TRPM3: variants seen among roughly 807,000 people sequenced by gnomAD.
The protein encoded by TRPM3 is transient receptor potential cation channel subfamily M member 3.
TRPM3 carries 77 observed loss-of-function variants against 181.2 expected under a neutral mutation model. The ratio of observed to expected loss-of-function variants is 0.42; its 90% CI spans 0.35 to 0.51. The LOEUF (loss-of-function observed/expected upper bound fraction) is 0.51. TRPM3 is among the 20% of genes least tolerant of loss of function. TRPM3 has a pLI of 0.01. For synonymous variants in TRPM3, 745 were observed against 796.4 expected (o/e 0.94, Z 1.09); for missense variants, 1,759 against 2,196.7 (o/e 0.80, Z 3.98).
At chr9:70,654,801 G>A (rs2060063255) in intron 9 of TRPM3, among the ~76,000 whole-genome samples, 1 of 151,076 alleles carries the variant, frequency 6.6e-6, no homozygotes, top group African/African-American at 2.4e-5. Context: ...TCCTGCCTCA[G>A]CCTCCTGAGT....
intron 1 of TRPM3, among the ~76,000 whole-genome samples, chr9:71,401,832 C>A (rs761303244): frequency 1.3e-5 from 2 of 152,192 alleles, no homozygotes; most frequent in Non-Finnish European, 2.9e-5. Flanking sequence ...TAAAGCTATG[C>A]TCAGATTTGA....
At chr9:71,085,297 T>C (rs1192617683) in intron 1 of TRPM3, among the ~76,000 whole-genome samples, 2 of 151,788 alleles carry the variant, frequency 1.3e-5, no homozygotes, top group East Asian at 1.9e-4. Flanking sequence ...AACTAAACTA[T>C]AGAGCTTTTG....
chr9:70,659,938 A>G (rs1441177276), intron 9 of TRPM3, among the ~76,000 whole-genome samples: 5 of 152,168 alleles, frequency 3.3e-5, no homozygotes, highest in African/African-American at 1.2e-4. Context: ...TGTGGCCTAT[A>G]TTGATTTTCC....
intron 1 of TRPM3, among the ~76,000 whole-genome samples, chr9:70,987,325 A>G (rs933189439): frequency 6.6e-6 from 1 of 152,098 alleles, no homozygotes; most frequent in Non-Finnish European, 1.5e-5. Context: ...CCCTTTATTC[A>G]ATTTTCAAAA....
intron 1 of TRPM3, among the ~76,000 whole-genome samples, chr9:70,944,232 T>C (rs1018922221): frequency 2.6e-5 from 4 of 152,066 alleles, no homozygotes; most frequent in African/African-American, 9.7e-5. Context: ...GAATAGAAAA[T>C]GAGCATCAGC....
intron 1 of TRPM3, among the ~76,000 whole-genome samples, chr9:71,191,784 G>T (rs530384181): frequency 1.4e-5 from 1 of 70,684 alleles, no homozygotes; most frequent in South Asian, 8.8e-4. Flanking sequence ...AGAAACAACA[G>T]AACATATAAA....
chr9:71,255,647 G>A (rs1565390311), intron 1 of TRPM3, among the ~76,000 whole-genome samples: 2 of 152,156 alleles, frequency 1.3e-5, no homozygotes. Context: ...TTGAGTCTTT[G>A]TTGAACTGTG....
At chr9:71,264,392 A>G (rs1208522787) in intron 1 of TRPM3, among the ~76,000 whole-genome samples, 4 of 152,148 alleles carry the variant, frequency 2.6e-5, no homozygotes, top group Non-Finnish European at 5.9e-5. Flanking sequence ...ACACTAAAAT[A>G]TACAAAATTT....
In TRPM3 at chr9:70,991,830, T is replaced by C. The variant is rs987146157; in HGVS notation, c.178-127319A>G. On this transcript the variant is annotated intron_variant, in intron 1 of 25. Transcript: ENST00000677713. ...GGTGTGTTCATCCTTGTACTCTACATTCCATCTGCTTCAAACTGTTTCAAG... is the reference window on the plus strand; with the variant it reads ...GGTGTGTTCATCCTTGTACTCTACACTCCATCTGCTTCAAACTGTTTCAAG... Among the ~76,000 whole-genome samples, 13 of 152,302 alleles carry C rather than the reference T, an allele frequency of 8.5e-5. 1 individual carries two copies. Among genetic ancestry groups the C allele is most frequent in the African/African-American group, 3.1e-4 (13 of 41,564 alleles).
In TRPM3 at chr9:70,535,403, G is replaced by T. The variant is rs1335454592; in HGVS notation, c.*550C>A. The stretch of plus-strand genomic sequence containing the variant: ...TGTTGGCATGAGAAGGATGTGGGAC[G>T]TTAGGTAGAACTGCTTGCTGCCGGC... On this transcript the variant is annotated 3_prime_UTR_variant, in exon 26 of 26. Coordinates refer to ENST00000677713, the MANE Select transcript of TRPM3 (RefSeq NM_001366145.2). 2 of 1,550,122 alleles carry T rather than the reference G, an allele frequency of 1.3e-6. No individual in the cohort carries two copies. Among genetic ancestry groups the T allele is most frequent in the Non-Finnish European group, 8.7e-7 (1 of 1,146,784 alleles).
chr9:71,251,959 G>C (rs2082368931), intron 1 of TRPM3, among the ~76,000 whole-genome samples: 1 of 151,980 alleles, frequency 6.6e-6, no homozygotes, highest in African/African-American at 2.4e-5. Flanking sequence ...ACTTATGTTT[G>C]TGTTTCTGTA....
intron 9 of TRPM3, among the ~76,000 whole-genome samples, chr9:70,669,198 T>C (rs1316600512): frequency 6.6e-6 from 1 of 152,232 alleles, no homozygotes; most frequent in Non-Finnish European, 1.5e-5. Flanking sequence ...TCTGAAGACC[T>C]GGATTCCAGT....
intron 1 of TRPM3, among the ~76,000 whole-genome samples, chr9:71,244,183 C>G (rs2081897584): frequency 6.6e-6 from 1 of 152,132 alleles, no homozygotes; most frequent in Non-Finnish European, 1.5e-5. Flanking sequence ...AGGGGAGGTA[C>G]AGGCAACAGT....
At chr9:70,799,523 TCTGGAAAAGGAGCTCCCTC>T (rs2088268364) in intron 6 of TRPM3, among the ~76,000 whole-genome samples, 1 of 152,182 alleles carries the variant, frequency 6.6e-6, no homozygotes, top group Admixed American at 6.5e-5. Context: ...CCTTCTTTCC[TCTGGAAAAGGAGCTCCCTC>T]CTTGTTTCCA....
At chr9:70,791,553 A>C (rs2131003821) in intron 6 of TRPM3, among the ~76,000 whole-genome samples, 1 of 152,232 alleles carries the variant, frequency 6.6e-6, no homozygotes, top group African/African-American at 2.4e-5. Flanking sequence ...AACTTAATGA[A>C]CCCCCTCTAT....
At position 70,852,275 on chromosome 9, in the gene TRPM3, C is replaced by T. The variant is rs1290574635; in HGVS notation, c.463-5684G>A. 2.0e-5 allele frequency among the ~76,000 whole-genome samples: 3 copies of T among 151,932 alleles called. No homozygotes were observed. The East Asian group carries it at 5.8e-4, about 30-fold the overall frequency. ...TGTTCTACTTGTACCTTCTCACATA[C>T]TCCTCCCAACAACAGGGATGTTGGT... is the stretch of plus-strand genomic sequence containing the variant. On this transcript the variant is annotated intron_variant, in intron 3 of 25. Coordinates refer to ENST00000677713, the MANE Select transcript of TRPM3 (RefSeq NM_001366145.2).
At chr9:70,766,234 C>T (rs776100244) in intron 7 of TRPM3, among the ~76,000 whole-genome samples, 1 of 152,196 alleles carries the variant, frequency 6.6e-6, no homozygotes, top group Non-Finnish European at 1.5e-5. Flanking sequence ...AAACGCCCCA[C>T]AGTTTGCTAT....
intron 1 of TRPM3, among the ~76,000 whole-genome samples, chr9:71,250,769 G>A (rs1032450860): frequency 6.6e-6 from 1 of 152,140 alleles, no homozygotes; most frequent in Non-Finnish European, 1.5e-5. Flanking sequence ...GATTGCAGGT[G>A]CATATGCAAA....
intron 1 of TRPM3, among the ~76,000 whole-genome samples, chr9:71,179,957 A>G (rs528744270): frequency 6.6e-6 from 1 of 151,890 alleles, no homozygotes; most frequent in East Asian, 1.9e-4. Flanking sequence ...GAAACTGCTT[A>G]GTTGAAACTA....
Sources: allele counts gnomAD v4.1 joint callset (sites outside exome capture counted in the v4.1 genomes callset), GRCh38; gene constraint gnomAD v4.1.1; transcripts MANE v1.5; gene names NCBI Gene and HGNC (gene_info 2026-07-23, HGNC 2026-07-21).